PPP1R9A: variants seen among roughly 807,000 people sequenced by gnomAD.
The protein encoded by PPP1R9A is neurabin-1.
Under a neutral mutation model 141.9 loss-of-function variants are expected in PPP1R9A, and 59 were observed. The ratio of observed to expected loss-of-function variants is 0.42; its 90% confidence interval spans 0.34 to 0.52. The LOEUF (loss-of-function observed/expected upper bound fraction) is 0.52, where lower values mean the gene tolerates loss of function less well. Among genes scored for constraint, PPP1R9A ranks in the 20% least tolerant of loss-of-function variants. The pLI is 0.10. For synonymous variants in PPP1R9A, 500 were observed against 569.7 expected (o/e 0.88, Z 1.74); for missense variants, 1,444 against 1,611.9 (o/e 0.90, Z 1.78).
intron 2 of PPP1R9A, among the ~76,000 whole-genome samples, chr7:95,072,833 A>AT (rs1563197268): frequency 1.1e-4 from 6 of 56,106 alleles, no homozygotes; most frequent in African/African-American, 6.0e-4. Flanking sequence ...TTATATATAT[A>AT]ATAATTATTA....
intron 2 of PPP1R9A, among the ~76,000 whole-genome samples, chr7:95,044,198 C>T (rs1809656960): frequency 6.6e-6 from 1 of 152,176 alleles, no homozygotes; most frequent in South Asian, 2.1e-4. Flanking sequence ...CTCCCTCTTG[C>T]CTCAGATCTT....
intron 5 of PPP1R9A, among the ~76,000 whole-genome samples, chr7:95,187,085 G>T (rs1834764455): frequency 6.6e-6 from 1 of 152,036 alleles, no homozygotes; most frequent in Non-Finnish European, 1.5e-5. Flanking sequence ...AGAAAGGTTG[G>T]TACCAATTAT....
intron 2 of PPP1R9A, among the ~76,000 whole-genome samples, chr7:95,019,039 A>G (rs1390507994): frequency 6.6e-6 from 1 of 152,234 alleles, no homozygotes; most frequent in Admixed American, 6.5e-5. Flanking sequence ...TCTTAACTTC[A>G]TACCAGACAT....
At chr7:94,918,286 C>T (rs1792340297) in intron 2 of PPP1R9A, among the ~76,000 whole-genome samples, 1 of 151,994 alleles carries the variant, frequency 6.6e-6, no homozygotes, top group Non-Finnish European at 1.5e-5. Context: ...AATCTAGCGT[C>T]ATTTCCCAGT....
rs148715143 is a variant in PPP1R9A at position 95,265,785 on chromosome 7, T to C, written c.2666-2765T>C. Among the ~76,000 whole-genome samples the C allele has an allele frequency of 1.3e-4, 20 of 152,316 alleles. No homozygotes were observed. In the East Asian group the frequency reaches 2.9e-3, roughly 22 times the overall value. On this transcript the variant is annotated intron_variant, in intron 12 of 19. Coordinates refer to ENST00000433360, the MANE Select transcript of PPP1R9A (RefSeq NM_001166160.2). Reference sequence around the variant, plus strand: ...ACTGCAATAAAGTAGCTCTGTGATATTTGCTTTCAGACCTTCAAAAATTGT... The same window carrying C: ...ACTGCAATAAAGTAGCTCTGTGATACTTGCTTTCAGACCTTCAAAAATTGT...
intron 5 of PPP1R9A, among the ~76,000 whole-genome samples, chr7:95,174,044 T>G (rs948672949): frequency 6.6e-6 from 1 of 152,042 alleles, no homozygotes; most frequent in Admixed American, 6.6e-5. Context: ...AAACATATAT[T>G]TATATAAAGA....
At chr7:95,255,842 T>C (rs772181858) in intron 12 of PPP1R9A, among the ~76,000 whole-genome samples, 2 of 152,162 alleles carry the variant, frequency 1.3e-5, no homozygotes, top group Non-Finnish European at 2.9e-5. Context: ...GGGCTTTGAC[T>C]GCAGAAGGGT....
At chr7:94,926,304 T>TTC (rs1793481416) in intron 2 of PPP1R9A, among the ~76,000 whole-genome samples, 1 of 152,170 alleles carries the variant, frequency 6.6e-6, no homozygotes, top group Non-Finnish European at 1.5e-5. Flanking sequence ...TATTGCCCTG[T>TTC]AAGGTAATGA....
intron 16 of PPP1R9A, among the ~76,000 whole-genome samples, chr7:95,282,741 T>C (rs1804516030): frequency 6.6e-6 from 1 of 152,206 alleles, no homozygotes; most frequent in Non-Finnish European, 1.5e-5. Flanking sequence ...GATCTCAATA[T>C]TTTATCAGAA....
intron 3 of PPP1R9A, among the ~76,000 whole-genome samples, chr7:95,116,045 T>A (rs528387009): frequency 5.3e-5 from 8 of 152,260 alleles, no homozygotes; most frequent in Non-Finnish European, 1.0e-4. Context: ...TTAAATTTTT[T>A]AAATTTCATG....
At position 95,177,913 on chromosome 7, in the gene PPP1R9A, T is replaced by C. The variant is rs192171342; in HGVS notation, c.1754+15942T>C. On this transcript the variant is annotated intron_variant, in intron 5 of 19. Transcript: ENST00000433360. ...TTACTGCTAGACCTAAGAAATGAGA[T>C]AGACAACAACACAGTAATAGTGGGG... is the stretch of plus-strand genomic sequence containing the variant. 2.8e-3 allele frequency among the ~76,000 whole-genome samples: 425 copies of C among 152,126 alleles called. 2 individuals carry two copies. The highest frequency in any genetic ancestry group is 8.8e-3 in the African/African-American group (364 of 41,506).
At chr7:95,077,353 G>A (rs890237152) in intron 2 of PPP1R9A, among the ~76,000 whole-genome samples, 1 of 152,028 alleles carries the variant, frequency 6.6e-6, no homozygotes, top group Non-Finnish European at 1.5e-5. Flanking sequence ...TTACCGACAT[G>A]TTAGTGAATA....
intron 2 of PPP1R9A, among the ~76,000 whole-genome samples, chr7:95,026,572 G>C (rs1445665140): frequency 6.6e-6 from 1 of 152,180 alleles, no homozygotes; most frequent in Admixed American, 6.5e-5. Context: ...CCTACTTGAG[G>C]AGGTGGTCTA....
intron 3 of PPP1R9A, among the ~76,000 whole-genome samples, chr7:95,119,058 G>T (rs1026287412): frequency 6.6e-6 from 1 of 151,702 alleles, no homozygotes; most frequent in Non-Finnish European, 1.5e-5. Context: ...TTGCTGAAAA[G>T]TCTTTTAAAA....
At chr7:95,182,624 T>G (rs1834024804) in intron 5 of PPP1R9A, among the ~76,000 whole-genome samples, 1 of 152,212 alleles carries the variant, frequency 6.6e-6, no homozygotes, top group African/African-American at 2.4e-5. Context: ...AAGTGTTATA[T>G]GCAGTGGAGG....
Position 95,130,702 on chromosome 7 carries a change from C to CA in PPP1R9A, c.1649+9874dup, listed in dbSNP as rs769503674. Reference sequence around the variant, plus strand: ...ACAGAGCCACAGGGGTGGAGCTTCCCAAAACCACAGGAACCCACCTCTTAT... The same window carrying CA: ...ACAGAGCCACAGGGGTGGAGCTTCCCAAAAACCACAGGAACCCACCTCTTAT... On this transcript the variant is annotated intron_variant, in intron 4 of 19. Coordinates refer to ENST00000433360, the MANE Select transcript of PPP1R9A (RefSeq NM_001166160.2). Among the ~76,000 whole-genome samples the CA allele has an allele frequency of 9.6e-4, 146 of 152,282 alleles. 1 individual carries two copies. Among genetic ancestry groups the CA allele is most frequent in the Non-Finnish European group, 1.8e-3 (120 of 68,020 alleles).
At chr7:95,101,729 G>T (rs1818822269) in intron 2 of PPP1R9A, among the ~76,000 whole-genome samples, 1 of 152,158 alleles carries the variant, frequency 6.6e-6, no homozygotes, top group South Asian at 2.1e-4. Flanking sequence ...CTTTCTTTGG[G>T]CTAGCTCACA....
intron 4 of PPP1R9A, 34 bp downstream of exon 4, chr7:95,120,866 C>A (rs1822444903): frequency 6.3e-7 from 1 of 1,575,546 alleles, no homozygotes; most frequent in Admixed American, 1.8e-5. Context: ...AACTTAAAAT[C>A]TTTAGAGAAC....
chr7:95,203,599 C>A, intron 6 of PPP1R9A, 66 bp from the exon 7 acceptor site: 1 of 1,229,548 alleles, frequency 8.1e-7, no homozygotes, highest in East Asian at 2.6e-5. Flanking sequence ...TTTTTCAATC[C>A]TTTATCAGGC....
Sources: allele counts gnomAD v4.1 joint callset (sites outside exome capture counted in the v4.1 genomes callset), GRCh38; gene constraint gnomAD v4.1.1; transcripts MANE v1.5; gene names NCBI Gene and HGNC (gene_info 2026-07-23, HGNC 2026-07-21).